The following ZNF81 variants were observed in gnomAD, a reference collection of about 807,000 sequenced individuals.
ZNF81 encodes the protein zinc finger protein 81 (HFZ20).
In ZNF81, 5 loss-of-function variants were observed where a neutral mutation model predicts 32.3. That is an observed-to-expected ratio of 0.15 (90% CI 0.08 to 0.33). The LOEUF (loss-of-function observed/expected upper bound fraction) is 0.33. ZNF81 is among the 10% of genes least tolerant of loss of function. The pLI, the probability that ZNF81 is intolerant of heterozygous loss-of-function variation, is 1.00. For missense variants in ZNF81, 379 were observed against 479.8 expected (o/e 0.79, Z 1.96); for synonymous variants, 163 against 166.8 (o/e 0.98, Z 0.17).
chrX:47,840,503 C>CT lies in ZNF81; in HGVS notation c.-164+3533dup, dbSNP rs1225455438. ...TCTTTTCTTTCTTTCTTTTCTTTTT[C>CT]TTTTTTTTTTTTTTTTTGAGACGGA... On this transcript the variant is annotated intron_variant, in intron 1 of 4. Transcript: ENST00000338637. 2.2e-3 allele frequency among the ~76,000 whole-genome samples: 229 copies of CT among 102,094 alleles called. 1 individual carries two copies. Among genetic ancestry groups the CT allele is most frequent in the East Asian group, 7.9e-3 (26 of 3,304 alleles). 88.7% of individuals were successfully genotyped at this position (102,094 alleles called of 115,157 possible).
At chrX:47,878,457 A>C (rs1352774380) in intron 2 of ZNF81, among the ~76,000 whole-genome samples, 2 of 112,472 alleles carry the variant, frequency 1.8e-5, no homozygotes, top group African/African-American at 6.5e-5. Context: ...TCATGTTTTC[A>C]GTATGCCCAG....
At chrX:47,868,016 T>C (rs1227791080) in intron 2 of ZNF81, among the ~76,000 whole-genome samples, 1 of 111,747 alleles carries the variant, frequency 8.9e-6, no homozygotes, top group East Asian at 2.8e-4. Flanking sequence ...CCCTGGCTAT[T>C]ATCGAGTTTA....
chrX:47,852,771 G>T (rs1243066374), intron 2 of ZNF81, among the ~76,000 whole-genome samples: 1 of 112,732 alleles, frequency 8.9e-6, no homozygotes, highest in African/African-American at 3.2e-5. Flanking sequence ...TGTTATTGCT[G>T]ATATTTTAAC....
chrX:47,864,465 G>C (rs961482643), intron 2 of ZNF81, among the ~76,000 whole-genome samples: 2 of 112,033 alleles, frequency 1.8e-5, no homozygotes, highest in African/African-American at 6.5e-5. Context: ...CTTAGAATGG[G>C]CTTAAGGAAT....
intron 2 of ZNF81, among the ~76,000 whole-genome samples, chrX:47,872,719 C>T (rs1434379450): frequency 9.0e-6 from 1 of 111,696 alleles, no homozygotes; most frequent in Admixed American, 9.5e-5. Flanking sequence ...ATCAAATGTA[C>T]CTTTCTTGAC....
intron 4 of ZNF81, among the ~76,000 whole-genome samples, chrX:47,897,681 T>C (rs1389747385): frequency 8.9e-6 from 1 of 112,397 alleles, no homozygotes; most frequent in Non-Finnish European, 1.9e-5. Context: ...TCATTTTAAC[T>C]TTTTCAGTTA....
At chrX:47,888,461 A>G (rs2058651244) in intron 3 of ZNF81, among the ~76,000 whole-genome samples, 1 of 111,260 alleles carries the variant, frequency 9.0e-6, no homozygotes. Context: ...TCTGTAAGCC[A>G]AGAAACACTT....
At chrX:47,861,708 A>G (rs2058541288) in intron 2 of ZNF81, among the ~76,000 whole-genome samples, 1 of 112,062 alleles carries the variant, frequency 8.9e-6, no homozygotes, top group South Asian at 3.7e-4. Context: ...AATCCCATAA[A>G]CCATTAAGGT....
At chrX:47,877,094 A>G (rs375873953) in intron 2 of ZNF81, among the ~76,000 whole-genome samples, 216 of 112,576 alleles carry the variant, frequency 1.9e-3, no homozygotes, top group African/African-American at 5.6e-3. Flanking sequence ...GGAAGCCCCA[A>G]TAACCATACA....
intron 2 of ZNF81, among the ~76,000 whole-genome samples, chrX:47,861,890 T>A (rs781792575): frequency 8.9e-6 from 1 of 112,255 alleles, no homozygotes; most frequent in Admixed American, 9.4e-5. Context: ...GGACAGCAAG[T>A]TGAGGCTGAC....
At chrX:47,850,891 G>GCACACA (rs782209480) in intron 2 of ZNF81, among the ~76,000 whole-genome samples, 1,004 of 53,397 alleles carry the variant, frequency 0.019, 16 homozygotes, top group African/African-American at 0.053. Flanking sequence ...AGGCACGCGC[G>GCACACA]CACACACACA....
chrX:47,868,883 T>C (rs2058569651), intron 2 of ZNF81, among the ~76,000 whole-genome samples: 1 of 88,768 alleles, frequency 1.1e-5, no homozygotes, highest in Non-Finnish European at 2.1e-5. Flanking sequence ...CCTATAATCC[T>C]GGGGGCTATT....
intron 2 of ZNF81, among the ~76,000 whole-genome samples, chrX:47,875,078 A>C (rs2058594690): frequency 9.8e-6 from 1 of 101,637 alleles, no homozygotes; most frequent in African/African-American, 3.6e-5. Context: ...AATCAATTTG[A>C]GGCCACGGGG....
intron 2 of ZNF81, among the ~76,000 whole-genome samples, chrX:47,856,816 A>G (rs1556881948): frequency 1.8e-5 from 2 of 111,412 alleles, no homozygotes; most frequent in African/African-American, 6.5e-5. Flanking sequence ...CTCACCTGTA[A>G]TCCCAGCTAC....
chrX:47,885,263 G>T (rs1556885618), intron 2 of ZNF81, among the ~76,000 whole-genome samples: 1 of 111,465 alleles, frequency 9.0e-6, no homozygotes, highest in Non-Finnish European at 1.9e-5. Context: ...GTTTGACTAT[G>T]ATGCTCCTAG....
chrX:47,861,633 C>G (rs185191502), intron 2 of ZNF81, among the ~76,000 whole-genome samples: 1 of 111,869 alleles, frequency 8.9e-6, no homozygotes, highest in African/African-American at 3.2e-5. Flanking sequence ...CCAGCAACAC[C>G]GGGCCAATCC....
At chrX:47,873,079 T>G (rs992824787) in intron 2 of ZNF81, among the ~76,000 whole-genome samples, 70 of 111,217 alleles carry the variant, frequency 6.3e-4, no homozygotes, top group African/African-American at 2.0e-3. Flanking sequence ...CCATCTGGAG[T>G]AGAGAATATG....
At chrX:47,887,080 TC>T (rs2058644656) in intron 2 of ZNF81, among the ~76,000 whole-genome samples, 1 of 111,364 alleles carries the variant, frequency 9.0e-6, no homozygotes, top group Non-Finnish European at 1.9e-5. Flanking sequence ...TGAAAAGACT[TC>T]ACTTTCGCCC....
chrX:47,893,890 A>G (rs1420984838), intron 3 of ZNF81, among the ~76,000 whole-genome samples: 4 of 111,258 alleles, frequency 3.6e-5, no homozygotes, highest in South Asian at 7.7e-4. Context: ...TGGGTCCCCA[A>G]TCAGTCAGGA....
Sources: allele counts gnomAD v4.1 joint callset (sites outside exome capture counted in the v4.1 genomes callset), GRCh38; gene constraint gnomAD v4.1.1; transcripts MANE v1.5; gene names NCBI Gene and HGNC (gene_info 2026-07-23, HGNC 2026-07-21).